Variants in ZFAT observed in about 807,000 individuals in gnomAD.
ZFAT encodes the protein zinc finger protein ZFAT.
Under a neutral mutation model 117.7 loss-of-function variants are expected in ZFAT, and 64 were observed. That is an observed-to-expected ratio of 0.54 (90% CI 0.44 to 0.67). The LOEUF is 0.67. Ranked by LOEUF, ZFAT falls within the 30% of genes least tolerant of loss-of-function variation. The pLI is 0.00. For synonymous variants in ZFAT, 679 were observed against 615.0 expected (o/e 1.10, Z -1.54); for missense variants, 1,433 against 1,584.5 (o/e 0.90, Z 1.62).
chr8:134,663,079 C>A (rs186160323), intron 1 of ZFAT, among the ~76,000 whole-genome samples: 1 of 152,380 alleles, frequency 6.6e-6, no homozygotes, highest in East Asian at 1.9e-4. Context: ...CAAAGACACT[C>A]GCTCATAACT....
At chr8:134,563,645 T>C (rs925071274) in intron 11 of ZFAT, among the ~76,000 whole-genome samples, 1 of 152,226 alleles carries the variant, frequency 6.6e-6, no homozygotes, top group Non-Finnish European at 1.5e-5. Context: ...AGGTGATCAG[T>C]TAGCTTCTCT....
chr8:134,710,582 G>A (rs1001886248), intron 1 of ZFAT, among the ~76,000 whole-genome samples: 1 of 152,154 alleles, frequency 6.6e-6, no homozygotes, highest in Non-Finnish European at 1.5e-5. Context: ...TATCCAAAAT[G>A]CTTGGGACCA....
chr8:134,705,818 C>T lies in ZFAT; in HGVS notation c.19+7027G>A, dbSNP rs141656336. On this transcript the variant is annotated intron_variant, in intron 1 of 15. Transcript: ENST00000377838. Reference sequence around the variant, plus strand: ...CCTCCCAAAGTGCTGAGATTACTGTCGTGAGCTACCACCCAGCCCCCAATT... The same window carrying T: ...CCTCCCAAAGTGCTGAGATTACTGTTGTGAGCTACCACCCAGCCCCCAATT... Among the ~76,000 whole-genome samples, 463 of 151,940 alleles carry T rather than the reference C, an allele frequency of 3.0e-3. 2 individuals are homozygous for T. Among genetic ancestry groups the T allele is most frequent in the African/African-American group, 0.011 (444 of 41,386 alleles).
Position 134,657,687 on chromosome 8 carries a change from G to C in ZFAT, c.70C>G (p.Gln24Glu). The change falls in exon 2 of 16, where the codon CAG becomes GAG. Residue 24 changes from glutamine (Q) to glutamate (E), a missense_variant. Gln to Glu is a conservative substitution (Grantham distance 29). This residue lies in a region of ZFAT where 436 missense variants were observed against 482.0 expected (regional missense o/e 0.90). Transcript: ENST00000377838. Reference protein sequence around the residue: ...CKCCNLFSPNQSELLSHVSEK... With the variant: ...CKCCNLFSPNESELLSHVSEK... ...GAAACGTGGGAGAGGAGTTCCGACT[G>C]ATTTGGTGAGAAGAGGTTACAACAT... 1 of 1,614,092 alleles carries C rather than the reference G, an allele frequency of 6.2e-7. No homozygotes were observed. Among genetic ancestry groups the C allele is most frequent in the Non-Finnish European group, 8.5e-7 (1 of 1,180,010 alleles).
At chr8:134,544,092 C>T (rs1563829791) in intron 11 of ZFAT, among the ~76,000 whole-genome samples, 1 of 152,182 alleles carries the variant, frequency 6.6e-6, no homozygotes, top group African/African-American at 2.4e-5. Context: ...CCTACCTTCA[C>T]CCTGAAATTT....
chr8:134,686,716 C>T (rs1026058004), intron 1 of ZFAT, among the ~76,000 whole-genome samples: 2 of 152,114 alleles, frequency 1.3e-5, no homozygotes, highest in African/African-American at 2.4e-5. Flanking sequence ...CAGGACATCA[C>T]GAAGACGATG....
chr8:134,791,141 A>G, the ZFAT span, among the ~76,000 whole-genome samples: 1 of 152,198 alleles, frequency 6.6e-6, no homozygotes, highest in Non-Finnish European at 1.5e-5. Context: ...TGTGCCTCAC[A>G]TTTTTAAGCT....
intron 1 of ZFAT, among the ~76,000 whole-genome samples, chr8:134,706,694 AAAAC>A (rs57700278): frequency 2.0e-5 from 3 of 152,042 alleles, no homozygotes; most frequent in Non-Finnish European, 2.9e-5. Context: ...CTCCATCTCA[AAAAC>A]AAACAAACAA....
At chr8:134,802,044 A>T in the ZFAT span, among the ~76,000 whole-genome samples, 1 of 152,224 alleles carries the variant, frequency 6.6e-6, no homozygotes, top group African/African-American at 2.4e-5. Flanking sequence ...TTCTGATGCA[A>T]GCTGATATTG....
chr8:134,712,727 C>A (rs1207947574), intron 1 of ZFAT, 118 bp downstream of exon 1: 2 of 874,740 alleles, frequency 2.3e-6, no homozygotes, highest in African/African-American at 1.9e-5. Flanking sequence ...CCGCGGCCGG[C>A]GGCCGGCGGC....
At chr8:134,486,896 G>A (rs770378054) in intron 15 of ZFAT, among the ~76,000 whole-genome samples, 4 of 152,186 alleles carry the variant, frequency 2.6e-5, no homozygotes, top group South Asian at 2.1e-4. Flanking sequence ...CTATGTACAC[G>A]TGCATGCCTG....
chr8:134,706,901 G>GA (rs1416576696), intron 1 of ZFAT, among the ~76,000 whole-genome samples: 2 of 150,266 alleles, frequency 1.3e-5, no homozygotes, highest in African/African-American at 2.4e-5. Context: ...AAGAAAGAAA[G>GA]AAAAAACCTG....
chr8:134,677,847 A>G (rs941257033), intron 1 of ZFAT, among the ~76,000 whole-genome samples: 56 of 152,312 alleles, frequency 3.7e-4, no homozygotes, highest in African/African-American at 1.3e-3. Flanking sequence ...AATGACAAAA[A>G]CCACGATTAT....
intron 9 of ZFAT, among the ~76,000 whole-genome samples, chr8:134,587,218 A>G (rs1337448784): frequency 6.6e-6 from 1 of 152,004 alleles, no homozygotes; most frequent in Non-Finnish European, 1.5e-5. Context: ...GCACCCCAAC[A>G]CTGTGACTGC....
the ZFAT span, chr8:134,722,839 C>T: frequency 6.6e-6 from 1 of 152,156 alleles, no homozygotes; most frequent in African/African-American, 2.4e-5. Flanking sequence ...CCAAATGTGA[C>T]TGCATTTGGA....
chr8:134,640,365 A>G (rs370890857), intron 2 of ZFAT, among the ~76,000 whole-genome samples: 13 of 152,154 alleles, frequency 8.5e-5, no homozygotes, highest in African/African-American at 2.9e-4. Flanking sequence ...CTGTGCCCTT[A>G]AGCTTGAGTT....
At chr8:134,582,782 T>A (rs563675092) in intron 10 of ZFAT, among the ~76,000 whole-genome samples, 1 of 152,284 alleles carries the variant, frequency 6.6e-6, no homozygotes, top group African/African-American at 2.4e-5. Context: ...CACAACAGGA[T>A]TGATTTTCAG....
At chr8:134,559,667 C>A (rs1823913513) in intron 11 of ZFAT, among the ~76,000 whole-genome samples, 1 of 152,214 alleles carries the variant, frequency 6.6e-6, no homozygotes, top group Admixed American at 6.5e-5. Flanking sequence ...AATGGCTGTT[C>A]CTCATGGCCT....
chr8:134,709,877 A>T (rs987245742), intron 1 of ZFAT, among the ~76,000 whole-genome samples: 1 of 152,158 alleles, frequency 6.6e-6, no homozygotes, highest in African/African-American at 2.4e-5. Flanking sequence ...TCACACAATG[A>T]CCATCTCAGC....
Sources: allele counts gnomAD v4.1 joint callset (sites outside exome capture counted in the v4.1 genomes callset), GRCh38; gene constraint gnomAD v4.1.1; regional missense constraint gnomAD v4.1.1; transcripts MANE v1.5; gene names NCBI Gene and HGNC (gene_info 2026-07-23, HGNC 2026-07-21).